The following POLQ variants were observed in gnomAD, a reference collection of about 807,000 sequenced individuals.
POLQ encodes DNA polymerase theta.
A neutral mutation model predicts 259.2 loss-of-function variants in POLQ; 233 were observed. The observed-to-expected ratio is 0.90, with a 90% CI of 0.81 to 1.00. The LOEUF (loss-of-function observed/expected upper bound fraction) is 1.00. POLQ is among the 50% of genes least tolerant of loss of function. POLQ has a pLI of 0.00. For synonymous variants in POLQ, 1,025 were observed against 1,048.8 expected, an observed-to-expected ratio of 0.98 and a Z score of 0.44; for missense variants, 2,871 against 3,051.6, an observed-to-expected ratio of 0.94 and a Z score of 1.39.
chr3:121,487,183 G>T (rs41541714), intron 16 of POLQ, 119 bp downstream of exon 16: 26,845 of 600,758 alleles, frequency 0.045, 763 homozygotes, highest in Middle Eastern at 0.077. Flanking sequence ...CCACAGAGGA[G>T]ATACATACTA....
chr3:121,453,073 G>A (rs1159621078), intron 25 of POLQ, among the ~76,000 whole-genome samples: 1 of 152,168 alleles, frequency 6.6e-6, no homozygotes, highest in African/African-American at 2.4e-5. Flanking sequence ...AGCAGCATTC[G>A]CAGTTTACGA....
chr3:121,434,515 A>G (rs1334908250), intron 28 of POLQ, among the ~76,000 whole-genome samples: 7 of 152,342 alleles, frequency 4.6e-5, no homozygotes, highest in African/African-American at 1.4e-4. Flanking sequence ...GAGTTTAATT[A>G]TATATTCTCT....
At position 121,509,668 on chromosome 3, in the gene POLQ, T is replaced by C. The variant is rs2048236758; in HGVS notation, c.1852A>G (p.Thr618Ala). Reference sequence around the variant, plus strand: ...GCTGGAGAAAGTGAAGAAGAAAGAGTGGCCGAACCAAGATGTGTTGGATGA... The same window carrying C: ...GCTGGAGAAAGTGAAGAAGAAAGAGCGGCCGAACCAAGATGTGTTGGATGA... ...VYHPTHLGSATLSSSLSPADT... is the reference protein window; with the variant it reads ...VYHPTHLGSAALSSSLSPADT... Residue 618 changes from threonine to alanine, a missense_variant, in exon 12 of 30, where the codon ACT (threonine) becomes GCT (alanine). Physicochemically the swap from Thr to Ala is moderately conservative, Grantham distance 58. Coordinates refer to ENST00000264233, the MANE Select transcript of POLQ (RefSeq NM_199420.4). 1 of 1,613,584 alleles carries C rather than the reference T, an allele frequency of 6.2e-7. No individual in the cohort carries two copies. Among genetic ancestry groups the C allele is most frequent in the Non-Finnish European group, 8.5e-7 (1 of 1,179,790 alleles).
At chr3:121,441,492 G>A (rs919430818) in intron 26 of POLQ, among the ~76,000 whole-genome samples, 4 of 152,150 alleles carry the variant, frequency 2.6e-5, no homozygotes, top group African/African-American at 9.7e-5. Context: ...CACTGTATAT[G>A]CTCATTTGTG....
chr3:121,479,315 C>G (rs1421613950), intron 19 of POLQ, among the ~76,000 whole-genome samples: 3 of 146,978 alleles, frequency 2.0e-5, no homozygotes, highest in African/African-American at 7.6e-5. Flanking sequence ...AGTTTGAGAC[C>G]AGCCTGGGCA....
intron 28 of POLQ, among the ~76,000 whole-genome samples, chr3:121,434,303 G>A (rs528184880): frequency 3.3e-5 from 5 of 152,242 alleles, no homozygotes; most frequent in African/African-American, 4.8e-5. Context: ...GAGCCATATC[G>A]CCTTCCACTG....
chr3:121,479,178 G>A (rs2047951328), intron 19 of POLQ, among the ~76,000 whole-genome samples: 1 of 151,962 alleles, frequency 6.6e-6, no homozygotes, highest in Non-Finnish European at 1.5e-5. Flanking sequence ...ATTTGTGAGT[G>A]AAAAAATATA....
rs748210012 is a variant in POLQ at position 121,488,617 on chromosome 3, A to G, written c.4314T>C (p.Thr1438=). The part of the protein sequence containing the change: ...LFLKKNEVSV[T]DSQLNSFLQG... ...GAAGAAAACTATTTAATTGTGAATC[A>G]GTAACAGAAACTTCATTCTTTTTTA... is the stretch of plus-strand genomic sequence containing the variant. The change falls in exon 16 of 30, where the codon ACT becomes ACC. Residue 1438 remains threonine, a synonymous_variant. Coordinates refer to ENST00000264233, the MANE Select transcript of POLQ (RefSeq NM_199420.4). The G allele has an allele frequency of 6.2e-7, 1 of 1,603,822 alleles. No individual in the cohort carries two copies. The highest frequency in any genetic ancestry group is 2.2e-5 in the East Asian group (1 of 44,838).
intron 7 of POLQ, among the ~76,000 whole-genome samples, chr3:121,523,300 A>T (rs1230975691): frequency 6.6e-6 from 1 of 152,144 alleles, no homozygotes; most frequent in Non-Finnish European, 1.5e-5. Flanking sequence ...GATTACAGGC[A>T]TGAGCCACCA....
chr3:121,498,080 G>T (rs1306157828), intron 13 of POLQ, among the ~76,000 whole-genome samples: 1 of 152,130 alleles, frequency 6.6e-6, no homozygotes, highest in Non-Finnish European at 1.5e-5. Flanking sequence ...GGAGGCGGAG[G>T]CGGGTGGATC....
At chr3:121,493,434 T>G (rs1440098748) in intron 15 of POLQ, 44 bp downstream of exon 15, 5 of 1,464,986 alleles carry the variant, frequency 3.4e-6, no homozygotes, top group Non-Finnish European at 3.7e-6. Context: ...ATTGACATTT[T>G]TTTTTTATTT....
At chr3:121,433,432 T>A (rs2047518000) in intron 28 of POLQ, among the ~76,000 whole-genome samples, 1 of 152,174 alleles carries the variant, frequency 6.6e-6, no homozygotes, top group South Asian at 2.1e-4. Flanking sequence ...TAGGCACTGT[T>A]TCTTAAGGGG....
chr3:121,446,444 C>T (rs2047633101), intron 26 of POLQ, among the ~76,000 whole-genome samples: 4 of 152,050 alleles, frequency 2.6e-5, no homozygotes, highest in Admixed American at 2.0e-4. Flanking sequence ...TCTATTAGGT[C>T]CATTTGGTCT....
chr3:121,471,850 A>G, intron 22 of POLQ, 140 bp downstream of exon 22: 1 of 422,052 alleles, frequency 2.4e-6, no homozygotes, highest in Non-Finnish European at 4.2e-6. Flanking sequence ...GCTTTGGATA[A>G]AGCATGTATT....
chr3:121,536,609 T>C (rs1357543552), intron 5 of POLQ, among the ~76,000 whole-genome samples: 2 of 152,206 alleles, frequency 1.3e-5, no homozygotes, highest in African/African-American at 2.4e-5. Flanking sequence ...TAAGAATGTT[T>C]ACACAGTAAT....
In POLQ at chr3:121,521,982, A is replaced by G. The variant is rs766636320; in HGVS notation, c.1255+21T>C. ...TGAGGAATTTTGGAGGTTTCTTAAT[A>G]ACATTATAAATATGAAATACCTGCA... On this transcript the variant is annotated intron_variant, in intron 8 of 29. Coordinates refer to ENST00000264233, the MANE Select transcript of POLQ (RefSeq NM_199420.4). 35 of 1,520,638 alleles carry G rather than the reference A, an allele frequency of 2.3e-5. 1 individual carries two copies. Among genetic ancestry groups the G allele is most frequent in the South Asian group, 1.9e-4 (15 of 78,964 alleles). The allele number at this position is 1,520,638 out of a possible 1,614,324, so 94.2% of individuals were successfully genotyped here. A position where few individuals can be genotyped will look rare whatever the true frequency, so the allele number is the denominator to read the frequency against.
chr3:121,470,588 A>G (rs2047875617), intron 22 of POLQ, among the ~76,000 whole-genome samples: 1 of 152,072 alleles, frequency 6.6e-6, no homozygotes. Flanking sequence ...GTGGGGTGAG[A>G]CTGTTATTAC....
At chr3:121,440,227 T>C in intron 26 of POLQ, 111 bp from the exon 27 acceptor site, 1 of 715,238 alleles carries the variant, frequency 1.4e-6, no homozygotes, top group Non-Finnish European at 2.3e-6. Context: ...TTCTTAACAT[T>C]AATATCATAT....
At chr3:121,521,013 G>A (rs2048332418) in intron 8 of POLQ, among the ~76,000 whole-genome samples, 1 of 151,942 alleles carries the variant, frequency 6.6e-6, no homozygotes, top group African/African-American at 2.4e-5. Flanking sequence ...TTAAGTGATG[G>A]GTACACAGGT....
Sources: gnomAD v4.1 joint callset for allele counts (sites outside exome capture counted in the v4.1 genomes callset) on GRCh38, gnomAD v4.1.1 for gene constraint, MANE v1.5 for transcripts, NCBI Gene and HGNC (gene_info 2026-07-23, HGNC 2026-07-21) for gene names.